The following ADAMTS2 variants were observed in gnomAD, a reference collection of about 807,000 sequenced individuals.
The protein encoded by ADAMTS2 is ADAM metallopeptidase with thrombospondin type 1 motif 2, also known as A disintegrin and metalloproteinase with thrombospondin motifs 2.
ADAMTS2 carries 50 observed loss-of-function variants against 123.0 expected under a neutral mutation model. The ratio of observed to expected loss-of-function variants is 0.41; its 90% CI spans 0.32 to 0.51. The LOEUF (loss-of-function observed/expected upper bound fraction) is 0.51. Ranked by LOEUF, ADAMTS2 falls within the 20% of genes least tolerant of loss-of-function variation. ADAMTS2 has a pLI of 0.35. For missense variants in ADAMTS2, 1,494 were observed against 1,705.2 expected (o/e 0.88, Z 2.18); for synonymous variants, 678 against 695.4 (o/e 0.98, Z 0.39).
At chr5:179,237,116 T>C (rs888867299) in intron 3 of ADAMTS2, among the ~76,000 whole-genome samples, 1 of 151,912 alleles carries the variant, frequency 6.6e-6, no homozygotes, top group Non-Finnish European at 1.5e-5. Flanking sequence ...AAAAAAAATA[T>C]GTTGCATGTG....
rs996865084 is a variant in ADAMTS2 at position 179,285,178 on chromosome 5, C to A, written c.535-12114G>T. On this transcript the variant is annotated intron_variant, in intron 2 of 21. Transcript: ENST00000251582. This position sits in a 1 kb window ranked among gnomAD's most constrained non-coding sequence, Gnocchi z 4.9. The stretch of plus-strand genomic sequence containing the variant: ...GCGTAACAAAGGGTCAGCAGTGTTA[C>A]GATCGGGGGTGAGTTTCACTTTTTA... Among the ~76,000 whole-genome samples, 1 of 152,106 alleles carries A rather than the reference C, an allele frequency of 6.6e-6. No individual in the cohort carries two copies. The highest frequency in any genetic ancestry group is 1.5e-5 in the Non-Finnish European group (1 of 68,024).
chr5:179,182,015 C>T (rs773582264), intron 4 of ADAMTS2, among the ~76,000 whole-genome samples: 5 of 152,300 alleles, frequency 3.3e-5, no homozygotes, highest in Admixed American at 2.6e-4. Flanking sequence ...CCCTCCCTAG[C>T]GCAGCCCCCT....
intron 2 of ADAMTS2, among the ~76,000 whole-genome samples, chr5:179,318,562 G>A (rs1448665273): frequency 2.0e-5 from 3 of 152,176 alleles, no homozygotes; most frequent in Non-Finnish European, 4.4e-5. Flanking sequence ...GGGTGCTCCC[G>A]CACACCCCTC....
At chr5:179,213,031 A>G (rs1764898162) in intron 3 of ADAMTS2, among the ~76,000 whole-genome samples, 1 of 151,122 alleles carries the variant, frequency 6.6e-6, no homozygotes. Context: ...AGACAGGAGC[A>G]TGTTCTGCCC....
At chr5:179,244,778 G>T (rs1765744616) in intron 3 of ADAMTS2, among the ~76,000 whole-genome samples, 1 of 152,178 alleles carries the variant, frequency 6.6e-6, no homozygotes, top group African/African-American at 2.4e-5. Flanking sequence ...GTAAAAAAAT[G>T]ACACCAGATG....
intron 3 of ADAMTS2, among the ~76,000 whole-genome samples, chr5:179,215,384 G>A (rs1174218225): frequency 6.6e-6 from 1 of 152,188 alleles, no homozygotes; most frequent in East Asian, 1.9e-4. Context: ...GGAGGCGGAG[G>A]CTGTGGTAAG....
In ADAMTS2 at chr5:179,170,685, C is replaced by T. The variant is rs531476442; in HGVS notation, c.975+10387G>A. 1.3e-5 allele frequency among the ~76,000 whole-genome samples: 2 copies of T among 152,320 alleles called. No individual in the cohort carries two copies. Among genetic ancestry groups the T allele is most frequent in the Admixed American group, 1.3e-4 (2 of 15,310 alleles). On this transcript the variant is annotated intron_variant, in intron 5 of 21. Coordinates refer to ENST00000251582, the MANE Select transcript of ADAMTS2 (RefSeq NM_014244.5). This position sits in a 1 kb window ranked among gnomAD's most constrained non-coding sequence, Gnocchi z 4.3. The stretch of plus-strand genomic sequence containing the variant: ...GAAGTCCCCATCCTGGCTGCTCCAT[C>T]CATGGTCCCCTATTGCCTGCCACCC...
intron 2 of ADAMTS2, among the ~76,000 whole-genome samples, chr5:179,286,644 A>G (rs973642486): frequency 6.6e-6 from 1 of 152,100 alleles, no homozygotes. Context: ...GATGCTGCCC[A>G]GGTAGACTGC....
chr5:179,188,348 C>T lies in ADAMTS2; in HGVS notation c.892-7193G>A, dbSNP rs770833904. Among the ~76,000 whole-genome samples, 17 of 152,236 alleles carry T rather than the reference C, an allele frequency of 1.1e-4. No homozygotes were observed. Among genetic ancestry groups the T allele is most frequent in the Admixed American group, 2.6e-4 (4 of 15,298 alleles). On this transcript the variant is annotated intron_variant, in intron 4 of 21. Coordinates refer to ENST00000251582, the MANE Select transcript of ADAMTS2 (RefSeq NM_014244.5). The surrounding 1 kb of genome is among the most constrained non-coding windows in gnomAD (Gnocchi z 5.1). ...GAAGGCTGTTCTCTCTGTGCCCCTT[C>T]GGAGGCCAGGCTTGGACCACCAGGA...
chr5:179,315,833 G>A (rs1336710459), intron 2 of ADAMTS2, among the ~76,000 whole-genome samples: 1 of 152,160 alleles, frequency 6.6e-6, no homozygotes, highest in East Asian at 1.9e-4. Flanking sequence ...TGGGGGATCT[G>A]GACAGAGCTC....
intron 5 of ADAMTS2, among the ~76,000 whole-genome samples, chr5:179,177,431 T>C (rs769014383): frequency 2.0e-5 from 3 of 152,192 alleles, no homozygotes; most frequent in Non-Finnish European, 2.9e-5. Flanking sequence ...GAAAGACACA[T>C]TGGGTAGATT....
intron 13 of ADAMTS2, among the ~76,000 whole-genome samples, chr5:179,134,093 C>T (rs913176596): frequency 2.0e-5 from 3 of 152,192 alleles, no homozygotes; most frequent in South Asian, 2.1e-4. Flanking sequence ...CTTCCCTCCC[C>T]GTTAGGTTTA....
intron 5 of ADAMTS2, among the ~76,000 whole-genome samples, chr5:179,164,727 C>A (rs1307700278): frequency 6.6e-6 from 1 of 152,228 alleles, no homozygotes; most frequent in South Asian, 2.1e-4. Flanking sequence ...CAAGCCGTAG[C>A]TGGGACCCAT....
chr5:179,184,886 C>T (rs1190358360), intron 4 of ADAMTS2, among the ~76,000 whole-genome samples: 2 of 152,188 alleles, frequency 1.3e-5, no homozygotes, highest in African/African-American at 2.4e-5. Context: ...CCAGGATCAC[C>T]GGCCTCGAGG....
chr5:179,324,429 A>G (rs1365447035), intron 2 of ADAMTS2, among the ~76,000 whole-genome samples: 1 of 143,150 alleles, frequency 7.0e-6, no homozygotes, highest in Admixed American at 7.1e-5. Flanking sequence ...CTCACTCTAT[A>G]GCCCCAACTG....
chr5:179,221,880 GC>G (rs1219226569), intron 3 of ADAMTS2, among the ~76,000 whole-genome samples: 1 of 152,094 alleles, frequency 6.6e-6, no homozygotes, highest in Non-Finnish European at 1.5e-5. Flanking sequence ...CTCTGCTCCA[GC>G]CCCCCATGGG....
intron 2 of ADAMTS2, among the ~76,000 whole-genome samples, chr5:179,337,728 C>T (rs565194332): frequency 6.6e-6 from 1 of 152,346 alleles, no homozygotes; most frequent in East Asian, 1.9e-4. Context: ...ATAGCTCAGG[C>T]AGCCACGAGG....
chr5:179,281,364 C>T (rs1450143291), intron 2 of ADAMTS2, among the ~76,000 whole-genome samples: 5 of 152,212 alleles, frequency 3.3e-5, no homozygotes, highest in Non-Finnish European at 7.3e-5. Flanking sequence ...CCCAACCCAG[C>T]CCTGGGCAAC....
intron 21 of ADAMTS2, among the ~76,000 whole-genome samples, chr5:179,119,479 C>T (rs1201577235): frequency 6.6e-6 from 1 of 152,220 alleles, no homozygotes; most frequent in Non-Finnish European, 1.5e-5. Context: ...AGCCCAGGCC[C>T]CAGGTCAGGA....
Sources: allele counts gnomAD v4.1 joint callset (sites outside exome capture counted in the v4.1 genomes callset), GRCh38; gene constraint gnomAD v4.1.1; non-coding constraint Gnocchi (gnomAD v3.1); transcripts MANE v1.5; gene names NCBI Gene and HGNC (gene_info 2026-07-23, HGNC 2026-07-21).